Variants in KIRREL3 observed in about 807,000 individuals in gnomAD.
KIRREL3 encodes kin of IRRE-like protein 3.
Under a neutral mutation model 89.7 loss-of-function variants are expected in KIRREL3, and 36 were observed. The observed-to-expected ratio is 0.40, with a 90% CI of 0.31 to 0.53. The LOEUF (loss-of-function observed/expected upper bound fraction) is 0.53. Among genes scored for constraint, KIRREL3 ranks in the 20% least tolerant of loss-of-function variants. KIRREL3 has a pLI of 0.49. For missense variants in KIRREL3, 864 were observed against 1,056.6 expected, an observed-to-expected ratio of 0.82 and a Z score of 2.53; for synonymous variants, 445 against 441.4, an observed-to-expected ratio of 1.01 and a Z score of -0.10.
intron 1 of KIRREL3, among the ~76,000 whole-genome samples, chr11:126,880,759 T>C (rs1945466450): frequency 6.6e-6 from 1 of 152,004 alleles, no homozygotes; most frequent in South Asian, 2.1e-4. Flanking sequence ...GAAAGCTAAA[T>C]TATATTGCCA....
At chr11:126,920,338 C>G (rs754118647) in intron 1 of KIRREL3, 2 of 152,310 alleles carry the variant, frequency 1.3e-5, no homozygotes, top group Non-Finnish European at 2.9e-5. Context: ...AAGATAAATG[C>G]TCAGCACCAT....
Position 126,883,925 on chromosome 11 carries a change from A to G in KIRREL3, c.55+116530T>C, listed in dbSNP as rs531356384. Among the ~76,000 whole-genome samples, 11 of 152,324 alleles carry G rather than the reference A, an allele frequency of 7.2e-5. No homozygotes were observed. Among genetic ancestry groups the G allele is most frequent in the African/African-American group, 2.4e-4 (10 of 41,584 alleles). On this transcript the variant is annotated intron_variant, in intron 1 of 16. Coordinates refer to ENST00000525144, the MANE Select transcript of KIRREL3 (RefSeq NM_032531.4). The surrounding 1 kb of genome is among the most constrained non-coding windows in gnomAD (Gnocchi z 4.1). Reference sequence around the variant, plus strand: ...CAAAGAACTTTCTGATCACTGGAGCAGTTCAACAATGGAAGCTTCTCAAAG... The same window carrying G: ...CAAAGAACTTTCTGATCACTGGAGCGGTTCAACAATGGAAGCTTCTCAAAG...
chr11:126,425,629 C>T lies in KIRREL3; in HGVS notation c.1893+9G>A, dbSNP rs1470783893. ...ATGGCTGTGTCTTATAACCCGGGGCCCTTCTTACCTTCAGGTTCTGAAACT... is the reference window on the plus strand; with the variant it reads ...ATGGCTGTGTCTTATAACCCGGGGCTCTTCTTACCTTCAGGTTCTGAAACT... On this transcript the variant is annotated intron_variant, in intron 16 of 16. Coordinates refer to ENST00000525144, the MANE Select transcript of KIRREL3 (RefSeq NM_032531.4). The T allele has an allele frequency of 1.1e-5, 18 of 1,571,504 alleles. No individual in the cohort carries two copies. In the African/African-American group the frequency reaches 1.8e-4, roughly 15 times the overall value.
rs774920126 is a variant in KIRREL3, at chr11:126,565,005, G to A, written c.56-2093C>T. Among the ~76,000 whole-genome samples, 2 of 152,184 alleles carry A rather than the reference G, an allele frequency of 1.3e-5. No homozygotes were observed. The highest frequency in any genetic ancestry group is 2.4e-5 in the African/African-American group (1 of 41,426). On this transcript the variant is annotated intron_variant, in intron 1 of 16. Coordinates refer to ENST00000525144, the MANE Select transcript of KIRREL3 (RefSeq NM_032531.4). This position sits in a 1 kb window ranked among gnomAD's most constrained non-coding sequence, Gnocchi z 5.4. ...TCGTATGCCCATCTAAAGCACATCA[G>A]CAATGGCTCCTAATGAGAAAGGGAG...
In KIRREL3 at chr11:126,761,745, G is replaced by T. The variant is rs1949671294; in HGVS notation, c.56-198833C>A. Among the ~76,000 whole-genome samples, 1 of 152,222 alleles carries T rather than the reference G, an allele frequency of 6.6e-6. No individual in the cohort carries two copies. The highest frequency in any genetic ancestry group is 1.5e-5 in the Non-Finnish European group (1 of 68,042). The stretch of plus-strand genomic sequence containing the variant: ...GGCCCCACTCAGCCCCTGGGGGCTA[G>T]AGAAGAGTTATGAGCTGCACTAGTT... On this transcript the variant is annotated intron_variant, in intron 1 of 16. Transcript: ENST00000525144. The surrounding 1 kb of genome is among the most constrained non-coding windows in gnomAD (Gnocchi z 4.4).
chr11:126,762,005 C>T lies in KIRREL3; in HGVS notation c.56-199093G>A, dbSNP rs372804798. ...ACTAGCCTGGCCAACATGGTGAAAC[C>T]CTATCTCTACTAAAAATACAAAAGT... On this transcript the variant is annotated intron_variant, in intron 1 of 16. Transcript: ENST00000525144. 2.0e-4 allele frequency among the ~76,000 whole-genome samples: 30 copies of T among 152,076 alleles called. No homozygotes were observed. The East Asian group carries it at 3.5e-3, about 18-fold the overall frequency.
At chr11:126,584,690 G>A (rs1387728531) in intron 1 of KIRREL3, among the ~76,000 whole-genome samples, 1 of 152,150 alleles carries the variant, frequency 6.6e-6, no homozygotes, top group East Asian at 1.9e-4. Context: ...GACTGAAGGT[G>A]AAGCAGGTGG....
chr11:126,650,104 C>T (rs972232685), intron 1 of KIRREL3, among the ~76,000 whole-genome samples: 6 of 152,218 alleles, frequency 3.9e-5, no homozygotes, highest in African/African-American at 7.2e-5. Flanking sequence ...ATGGCTGTAG[C>T]GGCTGGGATG....
chr11:126,600,102 G>A (rs1942586448), intron 1 of KIRREL3, among the ~76,000 whole-genome samples: 1 of 152,188 alleles, frequency 6.6e-6, no homozygotes, highest in Middle Eastern at 3.2e-3. Context: ...CTTCTCAGAT[G>A]CTTGCTTTGA....
Position 126,811,066 on chromosome 11 carries a change from C to T in KIRREL3, c.55+189389G>A, listed in dbSNP as rs943683582. ...AGCTGTCTGCCTTCCCTGGCTACAC[C>T]CATGGGCACCTGGTGGCCCTGCTGA... On this transcript the variant is annotated intron_variant, in intron 1 of 16. Coordinates refer to ENST00000525144, the MANE Select transcript of KIRREL3 (RefSeq NM_032531.4). This position sits in a 1 kb window ranked among gnomAD's most constrained non-coding sequence, Gnocchi z 4.3. 2.0e-5 allele frequency among the ~76,000 whole-genome samples: 3 copies of T among 152,136 alleles called. No homozygotes were observed. Among genetic ancestry groups the T allele is most frequent in the African/African-American group, 7.2e-5 (3 of 41,422 alleles).
intron 1 of KIRREL3, among the ~76,000 whole-genome samples, chr11:126,650,857 C>G (rs558400115): frequency 7.5e-4 from 114 of 152,280 alleles, no homozygotes; most frequent in African/African-American, 2.4e-3. Flanking sequence ...ATACCCAAGA[C>G]TGGGAAGAAA....
At chr11:126,591,328 A>G (rs1942123218) in intron 1 of KIRREL3, among the ~76,000 whole-genome samples, 1 of 152,224 alleles carries the variant, frequency 6.6e-6, no homozygotes, top group African/African-American at 2.4e-5. Flanking sequence ...TTCCACAGGT[A>G]ACAATCCTTC....
chr11:126,863,474 AGTGCGTGTGTG>A lies in KIRREL3; in HGVS notation c.55+136970_55+136980del, dbSNP rs1565363114. The stretch of plus-strand genomic sequence containing the variant: ...GTGTGTTTGAGTGCGTGTGTGTGTG[AGTGCGTGTGTG>A]AGTGCGTGTGTGAGTGTGAGTGCGT... On this transcript the variant is annotated intron_variant, in intron 1 of 16. Transcript: ENST00000525144. 2.1e-4 allele frequency among the ~76,000 whole-genome samples: 8 copies of A among 38,858 alleles called. No individual in the cohort carries two copies. In the East Asian group the frequency reaches 4.9e-3, roughly 24 times the overall value. 25.5% of individuals were successfully genotyped at this position (38,858 alleles called of 152,430 possible).
chr11:126,879,087 A>G lies in KIRREL3; in HGVS notation c.55+121368T>C, dbSNP rs1370010165. 1.3e-5 allele frequency among the ~76,000 whole-genome samples: 2 copies of G among 152,246 alleles called. No homozygotes were observed. Among genetic ancestry groups the G allele is most frequent in the African/African-American group, 2.4e-5 (1 of 41,468 alleles). On this transcript the variant is annotated intron_variant, in intron 1 of 16. Transcript: ENST00000525144. This position sits in a 1 kb window ranked among gnomAD's most constrained non-coding sequence, Gnocchi z 5.4. ...TTACTCTGCAGGCCAACCGGCAATT[A>G]CAATGGCATCTTTCTTCCCATCACT...
intron 1 of KIRREL3, among the ~76,000 whole-genome samples, chr11:126,899,009 T>G (rs1044649982): frequency 2.0e-5 from 3 of 149,636 alleles, no homozygotes; most frequent in East Asian, 4.0e-4. Flanking sequence ...CAGGGGAGTT[T>G]GGGGGGGGTC....
chr11:126,461,617 G>C (rs1956545660), intron 6 of KIRREL3, among the ~76,000 whole-genome samples: 1 of 152,162 alleles, frequency 6.6e-6, no homozygotes, highest in South Asian at 2.1e-4. Flanking sequence ...GGTATCTTGA[G>C]CCTACCTGAG....
Position 126,550,897 on chromosome 11 carries a change from T to C in KIRREL3, c.133+11938A>G, listed in dbSNP as rs1939205963. Reference sequence around the variant, plus strand: ...CTGTCTACCTGGAGATAGTGTCAGATCCCACAGGCTGGGGGCTCAGTCCCC... The same window carrying C: ...CTGTCTACCTGGAGATAGTGTCAGACCCCACAGGCTGGGGGCTCAGTCCCC... On this transcript the variant is annotated intron_variant, in intron 2 of 16. Coordinates refer to ENST00000525144, the MANE Select transcript of KIRREL3 (RefSeq NM_032531.4). This position sits in a 1 kb window ranked among gnomAD's most constrained non-coding sequence, Gnocchi z 4.9. Among the ~76,000 whole-genome samples, 1 of 152,068 alleles carries C rather than the reference T, an allele frequency of 6.6e-6. No individual in the cohort carries two copies. Among genetic ancestry groups the C allele is most frequent in the African/African-American group, 2.4e-5 (1 of 41,392 alleles).
intron 1 of KIRREL3, among the ~76,000 whole-genome samples, chr11:126,911,321 C>A (rs1033824924): frequency 5.9e-5 from 9 of 152,320 alleles, no homozygotes; most frequent in Admixed American, 2.0e-4. Context: ...GAATAAAACA[C>A]TGACATTTGT....
In KIRREL3 at chr11:126,431,056, A is replaced by G; in HGVS notation, c.1696+363T>C. 1.6e-6 allele frequency: 2 copies of G among 1,279,096 alleles called. No homozygotes were observed. Among genetic ancestry groups the G allele is most frequent in the Non-Finnish European group, 2.0e-6 (2 of 1,013,802 alleles). 79.2% of individuals were successfully genotyped at this position (1,279,096 alleles called of 1,614,324 possible). On this transcript the variant is annotated intron_variant, in intron 14 of 16. Coordinates refer to ENST00000525144, the MANE Select transcript of KIRREL3 (RefSeq NM_032531.4). The surrounding 1 kb of genome is among the most constrained non-coding windows in gnomAD (Gnocchi z 7.1). ...TCTTTATTTTTATTTTGTTGTAGAG[A>G]TGGGGTCTCTCTAGACTAACAGCTC...
Sources: gnomAD v4.1 joint callset for allele counts (sites outside exome capture counted in the v4.1 genomes callset) on GRCh38, gnomAD v4.1.1 for gene constraint, Gnocchi (gnomAD v3.1) non-coding constraint, MANE v1.5 for transcripts, NCBI Gene and HGNC (gene_info 2026-07-23, HGNC 2026-07-21) for gene names.